The following PTDSS1 variants were observed in gnomAD, a reference collection of about 807,000 sequenced individuals.
The protein encoded by PTDSS1 is PSS-1.
In PTDSS1, 45 loss-of-function variants were observed where a neutral mutation model predicts 70.5. That is an observed-to-expected ratio of 0.64 (90% confidence interval 0.50 to 0.82). PTDSS1 has a LOEUF of 0.82. PTDSS1 is among the 40% of genes least tolerant of loss of function. The pLI, the probability that PTDSS1 is intolerant of heterozygous loss-of-function variation, is 0.00. For missense variants in PTDSS1, 417 were observed against 586.1 expected, an observed-to-expected ratio of 0.71 and a Z score of 2.98; for synonymous variants, 188 against 203.8, an observed-to-expected ratio of 0.92 and a Z score of 0.66.
chr8:96,287,122 C>T lies in PTDSS1; in HGVS notation c.417C>T (p.Tyr139=), dbSNP rs73698560. The change falls in exon 4 of 13, where the codon TAC becomes TAT. Residue 139 remains tyrosine (Y), a synonymous_variant. Transcript: ENST00000517309. The part of the protein sequence containing the change: ...LMYWLDPNLR[Y]ATREADVMEY... The stretch of plus-strand genomic sequence containing the variant: ...ATTGGCTAGATCCAAATCTTCGATA[C>T]GCCACAAGGGAAGCAGATGTCATGG... The T allele has an allele frequency of 7.7e-4, 1,244 of 1,614,128 alleles. 4 individuals carry two copies. The highest frequency in any genetic ancestry group is 6.1e-3 in the Middle Eastern group (37 of 6,062).
chr8:96,309,403 G>A, intron 8 of PTDSS1, 154 bp from the exon 9 acceptor site: 1 of 558,376 alleles, frequency 1.8e-6, no homozygotes, highest in African/African-American at 1.9e-5. Context: ...TGTTTTAACA[G>A]GCACTGGCTT....
intron 4 of PTDSS1, among the ~76,000 whole-genome samples, chr8:96,290,774 A>G (rs1020551745): frequency 6.6e-6 from 1 of 151,492 alleles, no homozygotes; most frequent in African/African-American, 2.4e-5. Flanking sequence ...TTGATAGACC[A>G]TGATCCATGC....
chr8:96,295,844 G>A (rs894257289), intron 5 of PTDSS1, among the ~76,000 whole-genome samples: 4 of 152,160 alleles, frequency 2.6e-5, no homozygotes, highest in African/African-American at 4.8e-5. Flanking sequence ...TCGTCCACAT[G>A]CGCAGTATAC....
rs61685702 is a variant in PTDSS1 at position 96,311,061 on chromosome 8, C to T, written c.1073+1439C>T. On this transcript the variant is annotated intron_variant, in intron 9 of 12. Coordinates refer to ENST00000517309, the MANE Select transcript of PTDSS1 (RefSeq NM_014754.3). The stretch of plus-strand genomic sequence containing the variant: ...GATTACAGGCTTGAGCCACTGCGCC[C>T]GGCCTTAAATGTTATATTTTAATTT... 3.7e-3 allele frequency among the ~76,000 whole-genome samples: 559 copies of T among 152,224 alleles called. 2 individuals are homozygous for T. Among genetic ancestry groups the T allele is most frequent in the African/African-American group, 0.012 (499 of 41,514 alleles).
At chr8:96,332,417 CT>C (rs900887820) in intron 12 of PTDSS1, among the ~76,000 whole-genome samples, 1 of 152,214 alleles carries the variant, frequency 6.6e-6, no homozygotes, top group African/African-American at 2.4e-5. Context: ...CTCCTAAGTT[CT>C]TTTGGCATCA....
chr8:96,323,294 C>T (rs909760084), intron 10 of PTDSS1, among the ~76,000 whole-genome samples: 1 of 152,216 alleles, frequency 6.6e-6, no homozygotes, highest in African/African-American at 2.4e-5. Flanking sequence ...CTGGTGGCTC[C>T]AACCCCACAT....
At chr8:96,268,194 C>T (rs1297336935) in intron 1 of PTDSS1, among the ~76,000 whole-genome samples, 1 of 152,118 alleles carries the variant, frequency 6.6e-6, no homozygotes, top group East Asian at 1.9e-4. Context: ...TGATGTCTCA[C>T]CCATAATTCT....
At chr8:96,320,399 T>G in intron 10 of PTDSS1, 54 bp downstream of exon 10, 3 of 1,439,828 alleles carry the variant, frequency 2.1e-6, no homozygotes, top group Non-Finnish European at 2.9e-6. Flanking sequence ...TAGTATCACT[T>G]TAAACGGAGG....
rs144858250 is a variant in PTDSS1, at chr8:96,316,318, C to T, written c.1074-3928C>T. ...ACAATAGCAAAGACATGGAATCCAC[C>T]TAGTGCCCATCAGTGGTGGACTGGA... On this transcript the variant is annotated intron_variant, in intron 9 of 12. Transcript: ENST00000517309. Among the ~76,000 whole-genome samples the T allele has an allele frequency of 4.2e-3, 634 of 152,290 alleles. 3 individuals carry two copies. The highest frequency in any genetic ancestry group is 0.014 in the African/African-American group (572 of 41,562).
intron 11 of PTDSS1, 142 bp downstream of exon 11, chr8:96,330,423 C>T (rs1400784922): frequency 4.0e-6 from 3 of 740,910 alleles, no homozygotes; most frequent in Non-Finnish European, 4.5e-6. Context: ...GCAGAAACCG[C>T]ATGTCACAAC....
intron 9 of PTDSS1, among the ~76,000 whole-genome samples, chr8:96,318,078 A>G (rs1234037548): frequency 2.0e-5 from 3 of 152,014 alleles, no homozygotes; most frequent in African/African-American, 7.2e-5. Context: ...TAATCCCAGC[A>G]CTTTGGGAGG....
chr8:96,333,266 C>T (rs1019731014), intron 12 of PTDSS1, among the ~76,000 whole-genome samples, 191 bp from the exon 13 acceptor site: 3 of 152,140 alleles, frequency 2.0e-5, no homozygotes, highest in Admixed American at 6.5e-5. Flanking sequence ...GAACCCCGCG[C>T]CACCGCGTGT....
At chr8:96,281,896 C>T (rs762559040) in intron 2 of PTDSS1, among the ~76,000 whole-genome samples, 3 of 152,180 alleles carry the variant, frequency 2.0e-5, no homozygotes, top group Non-Finnish European at 4.4e-5. Flanking sequence ...ATGATGACAC[C>T]TTTGTCACTG....
At chr8:96,284,843 C>T (rs184086736) in intron 3 of PTDSS1, among the ~76,000 whole-genome samples, 297 of 152,256 alleles carry the variant, frequency 2.0e-3, no homozygotes, top group African/African-American at 6.9e-3. Context: ...CTATAGGCTG[C>T]CTATTTTTCT....
chr8:96,265,759 C>T (rs1810477999), intron 1 of PTDSS1, among the ~76,000 whole-genome samples: 1 of 152,200 alleles, frequency 6.6e-6, no homozygotes, highest in Non-Finnish European at 1.5e-5. Flanking sequence ...GAATGAGACC[C>T]TGTCTCAAAA....
rs145817527 is a variant in PTDSS1, at chr8:96,266,645, G to A, written c.179+4426G>A. ...CTTCTCTCCCAGCAACAAAAGCCCT[G>A]CATGCCCTTGTTGGCTGACACTAGC... On this transcript the variant is annotated intron_variant, in intron 1 of 12. Transcript: ENST00000517309. Among the ~76,000 whole-genome samples the A allele has an allele frequency of 9.8e-3, 1,490 of 152,224 alleles. 11 individuals carry two copies. The highest frequency in any genetic ancestry group is 0.016 in the Admixed American group (242 of 15,288).
At chr8:96,331,238 C>T (rs1811512008) in intron 12 of PTDSS1, 143 bp downstream of exon 12, 2 of 780,826 alleles carry the variant, frequency 2.6e-6, no homozygotes, top group East Asian at 2.8e-5. Context: ...TATTAAGAAA[C>T]ATGCAATGGC....
At chr8:96,266,250 A>G (rs1182183676) in intron 1 of PTDSS1, among the ~76,000 whole-genome samples, 1 of 152,248 alleles carries the variant, frequency 6.6e-6, no homozygotes, top group Non-Finnish European at 1.5e-5. Context: ...AAAAATTGTT[A>G]CTTACCTAGA....
At chr8:96,322,677 C>T (rs959563664) in intron 10 of PTDSS1, among the ~76,000 whole-genome samples, 6 of 152,260 alleles carry the variant, frequency 3.9e-5, no homozygotes, top group African/African-American at 4.8e-5. Flanking sequence ...CCCTGACCCC[C>T]GCTTCTCACA....
Sources: allele counts gnomAD v4.1 joint callset (sites outside exome capture counted in the v4.1 genomes callset), GRCh38; gene constraint gnomAD v4.1.1; transcripts MANE v1.5; gene names NCBI Gene and HGNC (gene_info 2026-07-23, HGNC 2026-07-21).